Variants in RBFOX3 observed in about 807,000 individuals in gnomAD.
RBFOX3 encodes RNA binding fox-1 homolog 3, also known as RNA binding protein fox-1 homolog 3.
In RBFOX3, 17 loss-of-function variants were observed where a neutral mutation model predicts 48.7. The observed-to-expected ratio is 0.35, with a 90% CI of 0.24 to 0.52. The LOEUF is 0.52. RBFOX3 is among the 20% of genes least tolerant of loss of function. The pLI, the probability that RBFOX3 is intolerant of heterozygous loss-of-function variation, is 0.94. For missense variants in RBFOX3, 382 were observed against 497.5 expected, an observed-to-expected ratio of 0.77 and a Z score of 2.21; for synonymous variants, 212 against 209.5, an observed-to-expected ratio of 1.01 and a Z score of -0.10.
intron 2 of RBFOX3, among the ~76,000 whole-genome samples, chr17:79,464,602 T>C (rs1333699871): frequency 6.6e-6 from 1 of 152,256 alleles, no homozygotes; most frequent in Non-Finnish European, 1.5e-5. Context: ...GAGGCAACTC[T>C]TTTTATAGCA....
At chr17:79,264,240 T>A (rs1476209089) in intron 3 of RBFOX3, among the ~76,000 whole-genome samples, 1 of 152,000 alleles carries the variant, frequency 6.6e-6, no homozygotes, top group African/African-American at 2.4e-5. Context: ...CACACCTGGC[T>A]AATTTTTGTA....
intron 4 of RBFOX3, among the ~76,000 whole-genome samples, chr17:79,177,278 C>T (rs1599823835): frequency 6.6e-6 from 1 of 152,224 alleles, no homozygotes; most frequent in African/African-American, 2.4e-5. Context: ...GTTGTGTCCC[C>T]AGGACCAGAG....
At chr17:79,648,052 G>A in the RBFOX3 span, among the ~76,000 whole-genome samples, 2 of 151,616 alleles carry the variant, frequency 1.3e-5, no homozygotes, top group African/African-American at 2.4e-5. Context: ...CAGGGGACAC[G>A]GAGCCCATCT....
At chr17:79,274,065 G>A (rs1365818248) in intron 3 of RBFOX3, among the ~76,000 whole-genome samples, 1 of 152,196 alleles carries the variant, frequency 6.6e-6, no homozygotes, top group African/African-American at 2.4e-5. Context: ...GGCAGGGGCG[G>A]ACGCTGACCC....
In RBFOX3 at chr17:79,097,678, G is replaced by A. The variant is rs1028999714; in HGVS notation, c.622+14C>T. ...GCTGGTCTCATCCCATCCCCGCCCCGCCCCAGCTTTTACCTGCATAGAATT... is the reference window on the plus strand; with the variant it reads ...GCTGGTCTCATCCCATCCCCGCCCCACCCCAGCTTTTACCTGCATAGAATT... On this transcript the variant is annotated intron_variant, in intron 10 of 14. Coordinates refer to ENST00000693108, the MANE Select transcript of RBFOX3 (RefSeq NM_001350451.2). 2.7e-5 allele frequency: 25 copies of A among 923,268 alleles called. No individual in the cohort carries two copies. The highest frequency in any genetic ancestry group is 3.7e-5 in the Non-Finnish European group (24 of 649,412). 57.2% of individuals were successfully genotyped at this position (923,268 alleles called of 1,614,324 possible).
At chr17:79,146,231 C>G (rs1362059417) in intron 4 of RBFOX3, among the ~76,000 whole-genome samples, 2 of 152,174 alleles carry the variant, frequency 1.3e-5, no homozygotes, top group Non-Finnish European at 2.9e-5. Context: ...CGTAGGTTGT[C>G]ACAACGTGGG....
chr17:79,648,181 G>A, the RBFOX3 span, among the ~76,000 whole-genome samples: 3 of 152,146 alleles, frequency 2.0e-5, no homozygotes, highest in African/African-American at 7.2e-5. Context: ...AGTGTGAGAC[G>A]AACTGGATGG....
chr17:79,231,813 CTTGT>C (rs2061066739), intron 4 of RBFOX3, among the ~76,000 whole-genome samples: 1 of 152,086 alleles, frequency 6.6e-6, no homozygotes, highest in Admixed American at 6.6e-5. Flanking sequence ...AGAGAAATAC[CTTGT>C]TTATGAGTCA....
chr17:79,309,447 C>A (rs1274544708), intron 2 of RBFOX3, among the ~76,000 whole-genome samples: 1 of 152,088 alleles, frequency 6.6e-6, no homozygotes, highest in Non-Finnish European at 1.5e-5. Context: ...CTCTGCCCCA[C>A]CCATGGGGGC....
intron 2 of RBFOX3, among the ~76,000 whole-genome samples, chr17:79,349,441 C>T (rs908424955): frequency 6.6e-6 from 1 of 152,090 alleles, no homozygotes; most frequent in Non-Finnish European, 1.5e-5. Flanking sequence ...CTCCTCCTCA[C>T]TTCTCCCACC....
intron 1 of RBFOX3, among the ~76,000 whole-genome samples, chr17:79,545,258 C>T (rs782534674): frequency 2.0e-5 from 3 of 152,078 alleles, no homozygotes; most frequent in Non-Finnish European, 4.4e-5. Context: ...TCCCCATTCC[C>T]GCCCTCTCCC....
intron 1 of RBFOX3, among the ~76,000 whole-genome samples, chr17:79,562,264 C>A (rs1029044692): frequency 2.0e-5 from 3 of 152,150 alleles, no homozygotes; most frequent in African/African-American, 7.2e-5. Flanking sequence ...TCACCCGAGT[C>A]GGCGGCTTCC....
chr17:79,535,858 C>G lies in RBFOX3; in HGVS notation c.-319-53260G>C, dbSNP rs1022384050. On this transcript the variant is annotated intron_variant, in intron 1 of 14. Transcript: ENST00000693108. The surrounding 1 kb of genome is among the most constrained non-coding windows in gnomAD (Gnocchi z 4.5). ...GGCCGTGGGTTGATCTCTGCTCCCC[C>G]TCAGTCACAAACCCACTCCTGGTTT... Among the ~76,000 whole-genome samples the G allele has an allele frequency of 1.3e-5, 2 of 152,272 alleles. No homozygotes were observed. Among genetic ancestry groups the G allele is most frequent in the Non-Finnish European group, 2.9e-5 (2 of 68,012 alleles).
At position 79,480,837 on chromosome 17, in the gene RBFOX3, G is replaced by A. The variant is rs77977220; in HGVS notation, c.-175+1617C>T. Among the ~76,000 whole-genome samples, 1,183 of 152,296 alleles carry A rather than the reference G, an allele frequency of 7.8e-3. 20 individuals carry two copies. Among genetic ancestry groups the A allele is most frequent in the East Asian group, 0.037 (194 of 5,178 alleles). ...AATGCACTGCATTTATCTTCACAGC[G>A]TTATGGCGCCTGACATACATTTATT... On this transcript the variant is annotated intron_variant, in intron 2 of 14. Transcript: ENST00000693108. The surrounding 1 kb of genome is among the most constrained non-coding windows in gnomAD (Gnocchi z 4.8).
chr17:79,470,347 C>G (rs1003053689), intron 2 of RBFOX3, among the ~76,000 whole-genome samples: 2 of 152,220 alleles, frequency 1.3e-5, no homozygotes, highest in South Asian at 4.1e-4. Context: ...AGACTGTCAA[C>G]AGCAAATAAG....
At chr17:79,604,388 T>C (rs1338816451) in intron 1 of RBFOX3, among the ~76,000 whole-genome samples, 1 of 150,514 alleles carries the variant, frequency 6.6e-6, no homozygotes, top group Non-Finnish European at 1.5e-5. Flanking sequence ...TGTGTGCGGC[T>C]CTCCCAGGTG....
At chr17:79,167,553 G>C (rs529153811) in intron 4 of RBFOX3, among the ~76,000 whole-genome samples, 1 of 152,254 alleles carries the variant, frequency 6.6e-6, no homozygotes, top group East Asian at 1.9e-4. Flanking sequence ...GCGGGGTTGA[G>C]GACTCCAATT....
chr17:79,561,171 T>C (rs965264551), intron 1 of RBFOX3, among the ~76,000 whole-genome samples: 6 of 152,268 alleles, frequency 3.9e-5, no homozygotes, highest in Admixed American at 2.0e-4. Flanking sequence ...CTTAGTAAGG[T>C]GACTGCTTTG....
intron 2 of RBFOX3, among the ~76,000 whole-genome samples, chr17:79,383,635 G>C (rs1039430460): frequency 2.0e-5 from 3 of 152,186 alleles, no homozygotes; most frequent in African/African-American, 7.2e-5. Flanking sequence ...CACCTGAGGG[G>C]TTCCTAGGGA....
Sources: allele counts gnomAD v4.1 joint callset (sites outside exome capture counted in the v4.1 genomes callset), GRCh38; gene constraint gnomAD v4.1.1; non-coding constraint Gnocchi (gnomAD v3.1); transcripts MANE v1.5; gene names NCBI Gene and HGNC (gene_info 2026-07-23, HGNC 2026-07-21).